Variants in SNX29 observed in about 807,000 individuals in gnomAD.
SNX29 encodes the protein sorting nexin-29.
Under a neutral mutation model 102.1 loss-of-function variants are expected in SNX29, and 78 were observed. The ratio of observed to expected loss-of-function variants is 0.76; its 90% CI spans 0.64 to 0.92. SNX29 has a LOEUF of 0.92. Ranked by LOEUF, SNX29 falls within the 40% of genes least tolerant of loss-of-function variation. SNX29 has a pLI of 0.00. For missense variants in SNX29, 1,280 were observed against 1,061.7 expected (o/e 1.21, Z -2.86); for synonymous variants, 580 against 414.5 (o/e 1.40, Z -4.85).
At chr16:12,104,878 C>T (rs2053166838) in intron 11 of SNX29, among the ~76,000 whole-genome samples, 1 of 152,240 alleles carries the variant, frequency 6.6e-6, no homozygotes, top group African/African-American at 2.4e-5. Context: ...ACAAATTGTA[C>T]TGAAGAAAGC....
intron 16 of SNX29, among the ~76,000 whole-genome samples, chr16:12,387,262 C>T (rs1024432532): frequency 1.3e-5 from 2 of 152,156 alleles, no homozygotes; most frequent in Non-Finnish European, 2.9e-5. Flanking sequence ...CCTCCTTGTT[C>T]CTCATCACAC....
At chr16:12,563,747 C>G (rs1016768690) in intron 20 of SNX29, among the ~76,000 whole-genome samples, 1 of 152,240 alleles carries the variant, frequency 6.6e-6, no homozygotes, top group Non-Finnish European at 1.5e-5. Flanking sequence ...CTTTACCCAA[C>G]AGCCACAACT....
At chr16:12,080,553 A>AT (rs1302937777) in intron 11 of SNX29, among the ~76,000 whole-genome samples, 2 of 151,868 alleles carry the variant, frequency 1.3e-5, no homozygotes, top group South Asian at 2.1e-4. Context: ...TTATTTATTT[A>AT]TTTTTTTGTA....
chr16:12,291,809 G>A (rs1212565269), intron 15 of SNX29, among the ~76,000 whole-genome samples: 2 of 152,196 alleles, frequency 1.3e-5, no homozygotes, highest in African/African-American at 2.4e-5. Context: ...TGTTGCTAGG[G>A]GAAGCGGATG....
At chr16:12,186,610 TCTGA>T (rs2076516868) in intron 13 of SNX29, among the ~76,000 whole-genome samples, 1 of 152,212 alleles carries the variant, frequency 6.6e-6, no homozygotes, top group Non-Finnish European at 1.5e-5. Context: ...GGCTAATCTC[TCTGA>T]CTGAGTTGGG....
chr16:12,457,822 T>C (rs189861396), intron 18 of SNX29, among the ~76,000 whole-genome samples: 19 of 152,272 alleles, frequency 1.2e-4, no homozygotes, highest in African/African-American at 3.1e-4. Context: ...AATGAGTACA[T>C]TGGGTAAATT....
At chr16:12,554,818 C>G (rs548677365) in intron 20 of SNX29, among the ~76,000 whole-genome samples, 1 of 152,274 alleles carries the variant, frequency 6.6e-6, no homozygotes, top group East Asian at 1.9e-4. Context: ...TATTGAGCAC[C>G]TGCTCTGTGC....
intron 13 of SNX29, among the ~76,000 whole-genome samples, chr16:12,160,300 A>G (rs754909612): frequency 6.6e-6 from 1 of 152,228 alleles, no homozygotes; most frequent in Admixed American, 6.5e-5. Context: ...GGTTTTTAAC[A>G]TGAGGAATCT....
intron 13 of SNX29, among the ~76,000 whole-genome samples, chr16:12,172,346 A>G (rs537663019): frequency 2.6e-5 from 4 of 152,308 alleles, no homozygotes; most frequent in African/African-American, 4.8e-5. Context: ...GTGTCAGTGC[A>G]GGGCTGAGAT....
intron 14 of SNX29, among the ~76,000 whole-genome samples, chr16:12,237,726 G>T (rs1380712007): frequency 6.6e-6 from 1 of 152,050 alleles, no homozygotes; most frequent in Non-Finnish European, 1.5e-5. Flanking sequence ...GGGCAACTTG[G>T]TGAAACCCCC....
chr16:12,308,411 T>A (rs2080415119), intron 15 of SNX29, among the ~76,000 whole-genome samples: 1 of 152,186 alleles, frequency 6.6e-6, no homozygotes, highest in Non-Finnish European at 1.5e-5. Context: ...TCTGCAGGGA[T>A]CAACCTCTTA....
chr16:12,288,216 T>G (rs2079662826), intron 15 of SNX29, among the ~76,000 whole-genome samples: 3 of 152,124 alleles, frequency 2.0e-5, no homozygotes, highest in African/African-American at 4.8e-5. Flanking sequence ...AAAACAGGAC[T>G]GGGTGGAAGC....
At chr16:12,448,484 T>TC (rs1555540810) in intron 18 of SNX29, among the ~76,000 whole-genome samples, 1 of 151,794 alleles carries the variant, frequency 6.6e-6, no homozygotes, top group African/African-American at 2.4e-5. Context: ...TTTTTTTTTT[T>TC]AGGCCACCAA....
At chr16:12,551,344 C>A (rs953243867) in intron 20 of SNX29, among the ~76,000 whole-genome samples, 3 of 152,192 alleles carry the variant, frequency 2.0e-5, no homozygotes, top group African/African-American at 7.2e-5. Flanking sequence ...TGGAATCATT[C>A]TTTTGGGGGC....
rs559293764 is a variant in SNX29, at chr16:12,467,974, A to G, written c.2038-9745A>G. Among the ~76,000 whole-genome samples the G allele has an allele frequency of 3.0e-3, 449 of 152,136 alleles. 1 individual carries two copies. Among genetic ancestry groups the G allele is most frequent in the African/African-American group, 0.01 (426 of 41,512 alleles). ...CAGCTCCGGCTCTGTGGCTCCACCC[A>G]CTTCATCATCCTCTAACATCCCGGA... On this transcript the variant is annotated intron_variant, in intron 18 of 20. Transcript: ENST00000566228.
intron 20 of SNX29, among the ~76,000 whole-genome samples, chr16:12,533,463 C>T (rs951786407): frequency 4.6e-5 from 7 of 152,218 alleles, no homozygotes; most frequent in Non-Finnish European, 7.3e-5. Context: ...ACCTCCCCAC[C>T]CCCATCCCCA....
intron 14 of SNX29, among the ~76,000 whole-genome samples, chr16:12,240,339 C>A (rs1433290618): frequency 6.6e-6 from 1 of 152,148 alleles, no homozygotes; most frequent in East Asian, 1.9e-4. Context: ...GCCTGTCAGG[C>A]CTCACCCTCC....
At chr16:12,487,620 C>G (rs1025245629) in intron 19 of SNX29, among the ~76,000 whole-genome samples, 3 of 152,108 alleles carry the variant, frequency 2.0e-5, no homozygotes, top group South Asian at 2.1e-4. Flanking sequence ...GCTGGTGATG[C>G]AGAGAGTCAC....
At chr16:11,976,860 C>G in intron 1 of SNX29, 47 bp downstream of exon 1, 7 of 1,329,626 alleles carry the variant, frequency 5.3e-6, no homozygotes, top group Non-Finnish European at 6.7e-6. Flanking sequence ...CGCCCCGGCT[C>G]CCGCCGCTCC....
Sources: allele counts gnomAD v4.1 joint callset (sites outside exome capture counted in the v4.1 genomes callset), GRCh38; gene constraint gnomAD v4.1.1; transcripts MANE v1.5; gene names NCBI Gene and HGNC (gene_info 2026-07-23, HGNC 2026-07-21).